ZC3H12B: variants seen among roughly 807,000 people sequenced by gnomAD.
ZC3H12B encodes zinc finger CCCH-type containing 12B.
A neutral mutation model predicts 43.9 loss-of-function variants in ZC3H12B; 7 were observed. That is an observed-to-expected ratio of 0.16 (90% CI 0.09 to 0.30). The LOEUF is 0.30. Ranked by LOEUF, ZC3H12B falls within the 10% of genes least tolerant of loss-of-function variation. ZC3H12B has a pLI of 1.00. For missense variants in ZC3H12B, 475 were observed against 670.2 expected (o/e 0.71, Z 3.22); for synonymous variants, 222 against 241.7 (o/e 0.92, Z 0.76).
the ZC3H12B span, among the ~76,000 whole-genome samples, chrX:65,093,221 T>C: frequency 9.0e-6 from 1 of 111,515 alleles, no homozygotes; most frequent in African/African-American, 3.3e-5. Flanking sequence ...AGAAGATGTA[T>C]GGAAAAGCTT....
At chrX:65,158,641 T>A in the ZC3H12B span, among the ~76,000 whole-genome samples, 2 of 111,826 alleles carry the variant, frequency 1.8e-5, no homozygotes, top group Non-Finnish European at 3.8e-5. Context: ...CTTGTAAATT[T>A]GTTTGAGTTC....
the ZC3H12B span, among the ~76,000 whole-genome samples, chrX:65,076,841 T>C: frequency 3.6e-5 from 4 of 111,876 alleles, no homozygotes; most frequent in Non-Finnish European, 7.5e-5. Context: ...TTGAAGTACT[T>C]TTATGAAAGT....
the ZC3H12B span, among the ~76,000 whole-genome samples, chrX:65,231,566 CA>C: frequency 9.0e-6 from 1 of 111,121 alleles, no homozygotes; most frequent in East Asian, 2.8e-4. Context: ...GAACTACCCC[CA>C]GGAATGCATT....
chrX:65,466,263 T>C (rs953111559), intron 3 of ZC3H12B, among the ~76,000 whole-genome samples: 5 of 110,987 alleles, frequency 4.5e-5, no homozygotes, highest in African/African-American at 1.6e-4. Flanking sequence ...TATATATTTT[T>C]CTACATCTTG....
At chrX:65,297,431 A>G in the ZC3H12B span, among the ~76,000 whole-genome samples, 9 of 111,274 alleles carry the variant, frequency 8.1e-5, no homozygotes, top group Admixed American at 4.8e-4. Flanking sequence ...TTAGGAATAT[A>G]CCTAACCAAG....
chrX:65,381,900 C>A (rs980091457), intron 2 of ZC3H12B, among the ~76,000 whole-genome samples: 3 of 111,648 alleles, frequency 2.7e-5, no homozygotes, highest in Non-Finnish European at 5.7e-5. Context: ...CAAGACTAAA[C>A]CAGGAAGAAG....
chrX:65,331,552 G>GTTTATTTATTTATTTA, the ZC3H12B span, among the ~76,000 whole-genome samples: 2 of 103,748 alleles, frequency 1.9e-5, no homozygotes, highest in African/African-American at 7.6e-5. Flanking sequence ...TAAGTTTAAT[G>GTTTATTTATTTATTTA]TTTATTTATT....
the ZC3H12B span, chrX:65,185,822 C>T: frequency 9.0e-6 from 1 of 111,418 alleles, no homozygotes; most frequent in Admixed American, 9.6e-5. Flanking sequence ...TTGCACCATT[C>T]TTGATAACCA....
the ZC3H12B span, among the ~76,000 whole-genome samples, chrX:65,086,850 A>C: frequency 9.0e-6 from 1 of 111,725 alleles, no homozygotes; most frequent in African/African-American, 3.3e-5. Context: ...TTCTTTGACA[A>C]CTCATGCCAG....
chrX:65,159,757 C>T, the ZC3H12B span, among the ~76,000 whole-genome samples: 1 of 111,681 alleles, frequency 9.0e-6, no homozygotes, highest in Admixed American at 9.6e-5. Context: ...CCTTTATTTC[C>T]TTCTCTTGCC....
At chrX:65,149,489 G>T in the ZC3H12B span, among the ~76,000 whole-genome samples, 1 of 110,914 alleles carries the variant, frequency 9.0e-6, no homozygotes, top group African/African-American at 3.3e-5. Flanking sequence ...TTATGTGCCG[G>T]GTGCAGTGGC....
the ZC3H12B span, chrX:65,270,897 G>T: frequency 1.8e-5 from 2 of 111,007 alleles, no homozygotes; most frequent in African/African-American, 6.6e-5. Flanking sequence ...ATCCTGGAGC[G>T]CCATCCCCAC....
At chrX:65,176,598 A>G in the ZC3H12B span, among the ~76,000 whole-genome samples, 2 of 111,755 alleles carry the variant, frequency 1.8e-5, no homozygotes, top group African/African-American at 6.5e-5. Flanking sequence ...GGAGGGGATA[A>G]CACCGCTGAT....
chrX:65,472,827 T>G (rs1328004343), intron 3 of ZC3H12B, among the ~76,000 whole-genome samples: 20 of 64,037 alleles, frequency 3.1e-4, no homozygotes, highest in Admixed American at 8.0e-4. Context: ...ATACCTTTGA[T>G]ATATATATAT....
At chrX:65,204,054 C>G in the ZC3H12B span, among the ~76,000 whole-genome samples, 1 of 112,406 alleles carries the variant, frequency 8.9e-6, no homozygotes, top group South Asian at 3.7e-4. Context: ...TCATTGTGTT[C>G]TCTCTCCCTC....
the ZC3H12B span, among the ~76,000 whole-genome samples, chrX:65,100,566 C>CAAAAAAAAAAAAAAAAAAAAAAAAAA: frequency 4.4e-4 from 2 of 4,529 alleles, 1 homozygote; most frequent in African/African-American, 1.7e-3. Context: ...AAAGATAAAG[C>CAAAAAAAAAAAAAAAAAAAAAAAAAA]AAAAAAAAAA....
intron 3 of ZC3H12B, among the ~76,000 whole-genome samples, chrX:65,480,693 A>G (rs1487277483): frequency 1.8e-5 from 2 of 110,906 alleles, no homozygotes; most frequent in Non-Finnish European, 1.9e-5. Flanking sequence ...CTAAAAATAC[A>G]AAATTAGCCA....
chrX:65,144,512 T>G, the ZC3H12B span, among the ~76,000 whole-genome samples: 1 of 111,604 alleles, frequency 9.0e-6, no homozygotes, highest in Non-Finnish European at 1.9e-5. Context: ...TTTTGCTGGT[T>G]TTGGGTTTGG....
chrX:65,140,597 C>T, the ZC3H12B span, among the ~76,000 whole-genome samples: 1 of 111,471 alleles, frequency 9.0e-6, no homozygotes, highest in Non-Finnish European at 1.9e-5. Context: ...TGTCCACTGG[C>T]TTTGGTATTA....
Sources: allele counts gnomAD v4.1 joint callset (sites outside exome capture counted in the v4.1 genomes callset), GRCh38; gene constraint gnomAD v4.1.1; transcripts MANE v1.5; gene names NCBI Gene and HGNC (gene_info 2026-07-23, HGNC 2026-07-21).